The following RPH3A variants were observed in gnomAD, a reference collection of about 807,000 sequenced individuals.
The protein encoded by RPH3A is rabphilin-3A.
RPH3A carries 48 observed loss-of-function variants against 102.2 expected under a neutral mutation model. That is an observed-to-expected ratio of 0.47 (90% CI 0.37 to 0.60). The LOEUF (loss-of-function observed/expected upper bound fraction) is 0.60, where lower values mean the gene tolerates loss of function less well. Among genes scored for constraint, RPH3A ranks in the 20% least tolerant of loss-of-function variants. The pLI, the probability that RPH3A is intolerant of heterozygous loss-of-function variation, is 0.00. For synonymous variants in RPH3A, 310 were observed against 324.3 expected, an observed-to-expected ratio of 0.96 and a Z score of 0.47; for missense variants, 781 against 910.1, an observed-to-expected ratio of 0.86 and a Z score of 1.83.
intron 1 of RPH3A, among the ~76,000 whole-genome samples, chr12:112,740,470 C>T (rs922383757): frequency 7.2e-5 from 11 of 152,152 alleles, no homozygotes; most frequent in Admixed American, 7.2e-4. Context: ...AGCTTTTGCC[C>T]TTCTCTCTTC....
At chr12:112,601,409 G>T (rs2039558163) in intron 1 of RPH3A, among the ~76,000 whole-genome samples, 1 of 152,036 alleles carries the variant, frequency 6.6e-6, no homozygotes, top group African/African-American at 2.4e-5. Flanking sequence ...TTGGGAATGG[G>T]GATGTAAATT....
chr12:112,835,594 A>C (rs1382652340), intron 3 of RPH3A, among the ~76,000 whole-genome samples: 1 of 152,194 alleles, frequency 6.6e-6, no homozygotes. Context: ...TTTCCAATAA[A>C]TGCTAATGGG....
intron 1 of RPH3A, among the ~76,000 whole-genome samples, chr12:112,712,783 C>T (rs963993015): frequency 1.3e-5 from 2 of 151,940 alleles, no homozygotes; most frequent in African/African-American, 4.8e-5. Context: ...GTGATCATGG[C>T]TCATGGCAGC....
rs140178437 is a variant in RPH3A, at chr12:112,840,514, C to T, written c.83+4012C>T. Among the ~76,000 whole-genome samples, 7 of 152,208 alleles carry T rather than the reference C, an allele frequency of 4.6e-5. No individual in the cohort carries two copies. The East Asian group carries it at 1.4e-3, about 29-fold the overall frequency. ...GGAAATGCAAATTCTCAAGCCCCAC[C>T]GCAGACCTTCTGAACCCAAATTTCC... On this transcript the variant is annotated intron_variant, in intron 4 of 21. Transcript: ENST00000389385.
intron 1 of RPH3A, among the ~76,000 whole-genome samples, chr12:112,620,766 C>G (rs913081091): frequency 6.6e-6 from 1 of 152,168 alleles, no homozygotes; most frequent in East Asian, 1.9e-4. Context: ...CTGGCCACTC[C>G]ATCCTTCCCA....
At chr12:112,799,087 G>A (rs1157931630) in intron 2 of RPH3A, among the ~76,000 whole-genome samples, 2 of 152,140 alleles carry the variant, frequency 1.3e-5, no homozygotes, top group East Asian at 3.9e-4. Flanking sequence ...AGGACTTTGT[G>A]TTAAAACTGA....
intron 1 of RPH3A, among the ~76,000 whole-genome samples, chr12:112,575,779 A>T (rs2039354694): frequency 6.6e-6 from 1 of 152,166 alleles, no homozygotes. Flanking sequence ...GGAAACTCAG[A>T]AAGTGCTGAA....
intron 1 of RPH3A, among the ~76,000 whole-genome samples, chr12:112,671,606 A>G (rs1168032779): frequency 6.6e-6 from 1 of 152,192 alleles, no homozygotes; most frequent in Non-Finnish European, 1.5e-5. Context: ...TACTAAAGGA[A>G]GAAGGGAAGA....
intron 1 of RPH3A, among the ~76,000 whole-genome samples, chr12:112,687,274 G>A (rs541238989): frequency 7.2e-5 from 11 of 152,204 alleles, no homozygotes; most frequent in Non-Finnish European, 1.5e-4. Flanking sequence ...AAGGACCCAG[G>A]CTCTTTTTAT....
At chr12:112,646,464 A>G (rs560311695) in intron 1 of RPH3A, among the ~76,000 whole-genome samples, 1 of 152,196 alleles carries the variant, frequency 6.6e-6, no homozygotes, top group African/African-American at 2.4e-5. Context: ...ACCCTGGCAG[A>G]CGTCCACTCA....
chr12:112,883,396 C>A lies in RPH3A; in HGVS notation c.1430C>A (p.Thr477Asn), dbSNP rs760076844. ...ACCGATGAGGACATGCAAAGGAAGA[C>A]CCTCAGGTACCTGGCAGGCAGAGGG... ...GITDEDMQRK[T>N]LRISVCDEDK... The change falls in exon 16 of 22, where the codon ACC (threonine) becomes AAC (asparagine). Residue 477 changes from threonine to asparagine, a missense_variant. Thr to Asn is a moderately conservative substitution (Grantham distance 65, BLOSUM62 0). Around this residue, in one of 2 missense-constraint regions of RPH3A, gnomAD observed 730 missense variants for 810.0 expected, o/e 0.90. Transcript: ENST00000389385. 6.2e-7 allele frequency: 1 copy of A among 1,612,512 alleles called. No individual in the cohort carries two copies. The highest frequency in any genetic ancestry group is 2.2e-5 in the East Asian group (1 of 44,880).
intron 1 of RPH3A, among the ~76,000 whole-genome samples, chr12:112,703,746 A>G (rs951971148): frequency 6.6e-6 from 1 of 152,112 alleles, no homozygotes; most frequent in Non-Finnish European, 1.5e-5. Flanking sequence ...CCAATCCATG[A>G]TCTCCACATC....
At chr12:112,725,856 TG>T (rs1297678385) in intron 1 of RPH3A, among the ~76,000 whole-genome samples, 1 of 150,664 alleles carries the variant, frequency 6.6e-6, no homozygotes, top group Middle Eastern at 3.2e-3. Context: ...AGTGCGGTGA[TG>T]CGATCTCGGC....
At chr12:112,819,091 T>C (rs1310774564) in intron 2 of RPH3A, among the ~76,000 whole-genome samples, 2 of 152,008 alleles carry the variant, frequency 1.3e-5, no homozygotes, top group East Asian at 3.8e-4. Flanking sequence ...ATTTGAGATA[T>C]ATATATGTGT....
intron 10 of RPH3A, among the ~76,000 whole-genome samples, chr12:112,873,050 C>A (rs1305410384): frequency 6.6e-6 from 1 of 152,164 alleles, no homozygotes; most frequent in Non-Finnish European, 1.5e-5. Flanking sequence ...GGAGCATCTA[C>A]CATAATTTTA....
chr12:112,622,890 TG>T (rs2039742364), intron 1 of RPH3A, among the ~76,000 whole-genome samples: 1 of 131,912 alleles, frequency 7.6e-6, no homozygotes, highest in Non-Finnish European at 1.6e-5. Flanking sequence ...CAGAAGAGAG[TG>T]GGGGCCAATA....
At chr12:112,718,933 T>C (rs550584609) in intron 1 of RPH3A, among the ~76,000 whole-genome samples, 7 of 152,372 alleles carry the variant, frequency 4.6e-5, no homozygotes, top group South Asian at 2.1e-4. Context: ...TTTGGTTTCT[T>C]TCTTCTCACA....
intron 1 of RPH3A, among the ~76,000 whole-genome samples, chr12:112,682,682 G>A (rs1171894820): frequency 6.6e-6 from 1 of 152,146 alleles, no homozygotes; most frequent in East Asian, 1.9e-4. Context: ...AGAGATGGGG[G>A]AGCCACACTT....
Position 112,696,915 on chromosome 12 carries a change from C to CTT in RPH3A, c.-139-95219_-139-95218dup, listed in dbSNP as rs372684111. Among the ~76,000 whole-genome samples the CTT allele has an allele frequency of 1.4e-3, 212 of 147,274 alleles. 1 individual carries two copies. The highest frequency in any genetic ancestry group is 4.6e-3 in the African/African-American group (187 of 40,292). ...TTTGGTCTTGTTTTCTTTTTTCTTTCTTTTTTTTTTACAGTAAACATGCTT... is the reference window on the plus strand; with the variant it reads ...TTTGGTCTTGTTTTCTTTTTTCTTTCTTTTTTTTTTTTACAGTAAACATGCTT... On this transcript the variant is annotated intron_variant, in intron 1 of 21. Transcript: ENST00000543106.
Sources: gnomAD v4.1 joint callset for allele counts (sites outside exome capture counted in the v4.1 genomes callset) on GRCh38, gnomAD v4.1.1 for gene constraint, gnomAD v4.1.1 regional missense constraint, MANE v1.5 for transcripts, NCBI Gene and HGNC (gene_info 2026-07-23, HGNC 2026-07-21) for gene names.